SGPP2: variants seen among roughly 807,000 people sequenced by gnomAD.
The protein encoded by SGPP2 is sphingosine-1-phosphate phosphatase 2, also known as sphingosine 1-phosphate phosphohydrolase 2.
In SGPP2, 30 loss-of-function variants were observed where a neutral mutation model predicts 33.9. The ratio of observed to expected loss-of-function variants is 0.89; its 90% CI spans 0.66 to 1.20. SGPP2 has a LOEUF of 1.20. SGPP2 is among the 50% of genes most tolerant of loss of function. The pLI is 0.00. For synonymous variants in SGPP2, 233 were observed against 225.0 expected (o/e 1.04, Z -0.32); for missense variants, 458 against 532.1 (o/e 0.86, Z 1.37).
intron 1 of SGPP2, among the ~76,000 whole-genome samples, chr2:222,426,209 CAAAAAAAAAAA>C (rs59881994): frequency 1.9e-4 from 11 of 58,758 alleles, no homozygotes; most frequent in Admixed American, 4.2e-4. Context: ...GACTCCGTCT[CAAAAAAAAAAA>C]AAAAAAAAAA....
chr2:222,553,480 C>T (rs1054062468), intron 4 of SGPP2, among the ~76,000 whole-genome samples: 3 of 152,104 alleles, frequency 2.0e-5, no homozygotes, highest in South Asian at 2.1e-4. Context: ...CTAGTATTTC[C>T]GAGTTTTCTA....
At chr2:222,504,478 C>T (rs1181285804) in intron 2 of SGPP2, 1 of 152,236 alleles carries the variant, frequency 6.6e-6, no homozygotes, top group Non-Finnish European at 1.5e-5. Context: ...AGCACAGCAG[C>T]ATTGGCGCAG....
intron 1 of SGPP2, chr2:222,452,587 A>G (rs1452000470): frequency 1.6e-6 from 2 of 1,281,486 alleles, no homozygotes; most frequent in African/African-American, 2.9e-5. Flanking sequence ...CCACAGTTAT[A>G]GAAGGGACTG....
intron 2 of SGPP2, among the ~76,000 whole-genome samples, chr2:222,481,417 C>T (rs182923942): frequency 2.0e-5 from 3 of 151,930 alleles, no homozygotes; most frequent in South Asian, 4.2e-4. Flanking sequence ...TATTGATTTC[C>T]ACCAGTTGTT....
intron 2 of SGPP2, among the ~76,000 whole-genome samples, chr2:222,481,225 C>T (rs947089839): frequency 4.6e-5 from 7 of 151,986 alleles, no homozygotes; most frequent in Admixed American, 1.3e-4. Context: ...ATATCCTGCA[C>T]GTGTACCCCG....
intron 1 of SGPP2, among the ~76,000 whole-genome samples, chr2:222,459,686 G>C (rs1697630345): frequency 6.6e-6 from 1 of 152,062 alleles, no homozygotes; most frequent in Non-Finnish European, 1.5e-5. Context: ...GCAGTGGGCA[G>C]AGGCTCCCGG....
chr2:222,425,200 C>T (rs547196393), intron 1 of SGPP2, among the ~76,000 whole-genome samples: 1 of 152,040 alleles, frequency 6.6e-6, no homozygotes, highest in South Asian at 2.1e-4. Context: ...CTCCCCCCCA[C>T]CCCCGTATTC....
intron 4 of SGPP2, among the ~76,000 whole-genome samples, chr2:222,551,179 C>T (rs1689288833): frequency 6.6e-6 from 1 of 152,050 alleles, no homozygotes; most frequent in South Asian, 2.1e-4. Flanking sequence ...CCTCTCTTCT[C>T]CCTATCCCTC....
At chr2:222,473,048 A>G (rs2106094821) in intron 1 of SGPP2, among the ~76,000 whole-genome samples, 1 of 152,308 alleles carries the variant, frequency 6.6e-6, no homozygotes, top group East Asian at 1.9e-4. Context: ...AAAAATAAAC[A>G]AAGTTAAACT....
intron 4 of SGPP2, among the ~76,000 whole-genome samples, chr2:222,557,908 A>G (rs539057025): frequency 6.6e-6 from 1 of 152,306 alleles, no homozygotes; most frequent in African/African-American, 2.4e-5. Flanking sequence ...CTTGCTGTGT[A>G]TATTTGGCTC....
chr2:222,431,698 C>A (rs1697159647), intron 1 of SGPP2, among the ~76,000 whole-genome samples: 1 of 152,108 alleles, frequency 6.6e-6, no homozygotes. Context: ...GCTTAGATGG[C>A]AGAGGGAATC....
chr2:222,558,620 C>T lies in SGPP2; in HGVS notation c.922C>T (p.Pro308Ser), dbSNP rs1223918644. The T allele has an allele frequency of 4.3e-6, 7 of 1,614,058 alleles. No individual in the cohort carries two copies. Among genetic ancestry groups the T allele is most frequent in the Non-Finnish European group, 5.9e-6 (7 of 1,180,038 alleles). The change falls in exon 5 of 5, where the codon CCT (proline) becomes TCT (serine). Residue 308 changes from proline to serine, a missense_variant. Pro to Ser is a moderately conservative substitution (Grantham distance 74). Coordinates refer to ENST00000321276, the MANE Select transcript of SGPP2 (RefSeq NM_152386.4). ...TGTATCCAAGCCCGCTGAATCTCTC[C>T]CTGTTATTCAGAACATCCCACCACT... Reference protein sequence around the residue: ...QLVSKPAESLPVIQNIPPLTT... With the variant: ...QLVSKPAESLSVIQNIPPLTT...
chr2:222,464,032 C>T (rs1697706187), intron 1 of SGPP2, among the ~76,000 whole-genome samples: 1 of 152,118 alleles, frequency 6.6e-6, no homozygotes, highest in East Asian at 1.9e-4. Flanking sequence ...TATAACACTC[C>T]TTCTCGAACA....
In SGPP2 at chr2:222,476,710, GTA is replaced by G. The variant is rs1175236516; in HGVS notation, c.378+1992_378+1993del. ...GTGTGTGCGTGTGTAAGGTATAACTGTATATATATGTATGTGTGTATATAGGT... is the reference window on the plus strand; with the variant it reads ...GTGTGTGCGTGTGTAAGGTATAACTGTATATATGTATGTGTGTATATAGGT... On this transcript the variant is annotated intron_variant, in intron 2 of 4. Coordinates refer to ENST00000321276, the MANE Select transcript of SGPP2 (RefSeq NM_152386.4). This position sits in a 1 kb window ranked among gnomAD's most constrained non-coding sequence, Gnocchi z 4.3. Among the ~76,000 whole-genome samples the G allele has an allele frequency of 6.6e-6, 1 of 151,098 alleles. No individual in the cohort carries two copies. The highest frequency in any genetic ancestry group is 1.5e-5 in the Non-Finnish European group (1 of 67,844).
At chr2:222,454,411 A>G (rs914124831) in intron 1 of SGPP2, among the ~76,000 whole-genome samples, 2 of 152,202 alleles carry the variant, frequency 1.3e-5, no homozygotes, top group Non-Finnish European at 2.9e-5. Context: ...CCTCAATACT[A>G]TAATAGGAGA....
rs568897844 is a variant in SGPP2, at chr2:222,432,419, A to G, written c.219+7598A>G. On this transcript the variant is annotated intron_variant, in intron 1 of 4. Coordinates refer to ENST00000321276, the MANE Select transcript of SGPP2 (RefSeq NM_152386.4). ...TTTTGAATCATAGGATCCCATCATT[A>G]TGACTACAAGCTGATTGAGCCAGGG... Among the ~76,000 whole-genome samples the G allele has an allele frequency of 1.1e-3, 165 of 152,336 alleles. 2 individuals are homozygous for G. Among genetic ancestry groups the G allele is most frequent in the African/African-American group, 3.7e-3 (155 of 41,580 alleles).
intron 2 of SGPP2, among the ~76,000 whole-genome samples, chr2:222,491,810 A>G (rs1456450919): frequency 1.3e-5 from 2 of 152,186 alleles, no homozygotes; most frequent in Non-Finnish European, 2.9e-5. Context: ...CCAAAGTCTC[A>G]TCTGAGACAA....
At chr2:222,505,890 G>A (rs1468838876) in intron 2 of SGPP2, among the ~76,000 whole-genome samples, 3 of 143,616 alleles carry the variant, frequency 2.1e-5, no homozygotes, top group African/African-American at 7.8e-5. Context: ...AACTGTGATT[G>A]TACCACTGCA....
chr2:222,432,105 G>A lies in SGPP2; in HGVS notation c.219+7284G>A, dbSNP rs760911036. Among the ~76,000 whole-genome samples, 13 of 152,332 alleles carry A rather than the reference G, an allele frequency of 8.5e-5. No homozygotes were observed. In the East Asian group the frequency reaches 1.9e-3, roughly 23 times the overall value. On this transcript the variant is annotated intron_variant, in intron 1 of 4. Coordinates refer to ENST00000321276, the MANE Select transcript of SGPP2 (RefSeq NM_152386.4). Reference sequence around the variant, plus strand: ...AGAAGATAGCAGTCAATTTCATCCCGTGTGCCAAATCGGAATTGGCAACTG... The same window carrying A: ...AGAAGATAGCAGTCAATTTCATCCCATGTGCCAAATCGGAATTGGCAACTG...
Sources: gnomAD v4.1 joint callset for allele counts (sites outside exome capture counted in the v4.1 genomes callset) on GRCh38, gnomAD v4.1.1 for gene constraint, Gnocchi (gnomAD v3.1) non-coding constraint, MANE v1.5 for transcripts, NCBI Gene and HGNC (gene_info 2026-07-23, HGNC 2026-07-21) for gene names.